Variants in TNFAIP8L3 observed in about 807,000 individuals in gnomAD.
TNFAIP8L3 encodes tumor necrosis factor alpha-induced protein 8-like protein 3.
A neutral mutation model predicts 11.8 loss-of-function variants in TNFAIP8L3; 7 were observed. The observed-to-expected ratio is 0.59, with a 90% CI of 0.34 to 1.11. The LOEUF is 1.11. Among genes scored for constraint, TNFAIP8L3 ranks in the 50% most tolerant of loss-of-function variants. The pLI is 0.03. For missense variants in TNFAIP8L3, 219 were observed against 258.6 expected, an observed-to-expected ratio of 0.85 and a Z score of 1.05; for synonymous variants, 98 against 103.8, an observed-to-expected ratio of 0.94 and a Z score of 0.34.
At chr15:51,103,874 G>A (rs1364745109) in intron 1 of TNFAIP8L3, among the ~76,000 whole-genome samples, 1 of 152,176 alleles carries the variant, frequency 6.6e-6, no homozygotes, top group Non-Finnish European at 1.5e-5. Flanking sequence ...TGTGGGACAT[G>A]TGCCTACTTC....
chr15:51,094,719 T>G lies in TNFAIP8L3; in HGVS notation c.-124A>C. The stretch of plus-strand genomic sequence containing the variant: ...CCCGGGCGGCGCGGGCGGCGCGGGC[T>G]GGGCGGTGCGCGGCGGCAGCGGCCA... On this transcript the variant is annotated 5_prime_UTR_variant, in exon 1 of 2. Coordinates refer to ENST00000637513, the MANE Select transcript of TNFAIP8L3 (RefSeq NM_001311175.2). The surrounding 1 kb of genome is among the most constrained non-coding windows in gnomAD (Gnocchi z 4.4). 1 of 987,820 alleles carries G rather than the reference T, an allele frequency of 1.0e-6. No individual in the cohort carries two copies. Among genetic ancestry groups the G allele is most frequent in the Non-Finnish European group, 1.2e-6 (1 of 833,318 alleles). 61.2% of individuals were successfully genotyped at this position (987,820 alleles called of 1,614,324 possible).
At chr15:51,094,925 T>A (rs1034153017), upstream of TNFAIP8L3, among the ~76,000 whole-genome samples, 78 of 150,960 alleles carry the variant, frequency 5.2e-4, 1 homozygote, top group African/African-American at 1.8e-3. This position sits in a 1 kb window ranked among gnomAD's most constrained non-coding sequence, Gnocchi z 4.4. Context: ...GGCTCCAGGC[T>A]GGGGTTAAAT....
intron 1 of TNFAIP8L3, among the ~76,000 whole-genome samples, chr15:51,058,652 T>C (rs531039396): frequency 6.6e-6 from 1 of 152,294 alleles, no homozygotes; most frequent in East Asian, 1.9e-4. Context: ...TTTTTAATCC[T>C]CTAAACTGTG....
chr15:51,068,972 C>A (rs891006272), intron 1 of TNFAIP8L3, among the ~76,000 whole-genome samples: 1 of 152,012 alleles, frequency 6.6e-6, no homozygotes, highest in African/African-American at 2.4e-5. Context: ...GCCTACCCCT[C>A]CTCTTCATAA....
At chr15:51,087,438 A>G (rs2065437466) in intron 1 of TNFAIP8L3, among the ~76,000 whole-genome samples, 1 of 152,148 alleles carries the variant, frequency 6.6e-6, no homozygotes, top group Non-Finnish European at 1.5e-5. Flanking sequence ...TCCTTCCAGA[A>G]TCTCCTCCCT....
At chr15:51,079,496 G>A (rs998577089) in intron 1 of TNFAIP8L3, among the ~76,000 whole-genome samples, 1 of 152,126 alleles carries the variant, frequency 6.6e-6, no homozygotes, top group Admixed American at 6.6e-5. Context: ...TCTCACTCAT[G>A]ACATTTTATT....
chr15:51,085,724 T>A (rs763144466), intron 1 of TNFAIP8L3, among the ~76,000 whole-genome samples: 2 of 151,752 alleles, frequency 1.3e-5, no homozygotes, highest in African/African-American at 4.8e-5. Flanking sequence ...TGGAACAAAA[T>A]GTTTTTAGCA....
chr15:51,103,618 T>C (rs1310157592), intron 1 of TNFAIP8L3, among the ~76,000 whole-genome samples: 5 of 152,226 alleles, frequency 3.3e-5, no homozygotes, highest in African/African-American at 1.2e-4. Flanking sequence ...AGTGGACTGG[T>C]TCTCCTCTGA....
Position 51,094,656 on chromosome 15 carries a change from CCGCGGCGCA to C in TNFAIP8L3, c.-70_-62del. ...GCCCGTCTGCGGGGCGCTCGGGCAGCCGCGGCGCACTCAGGGCGGACAGCGGGGCGGCTG... is the reference window on the plus strand; with the variant it reads ...GCCCGTCTGCGGGGCGCTCGGGCAGCCTCAGGGCGGACAGCGGGGCGGCTG... On this transcript the variant is annotated 5_prime_UTR_variant, in exon 1 of 2. Coordinates refer to ENST00000637513, the MANE Select transcript of TNFAIP8L3 (RefSeq NM_001311175.2). This position sits in a 1 kb window ranked among gnomAD's most constrained non-coding sequence, Gnocchi z 4.4. 3 of 1,349,126 alleles carry C rather than the reference CCGCGGCGCA, an allele frequency of 2.2e-6. No individual in the cohort carries two copies. The highest frequency in any genetic ancestry group is 2.9e-6 in the Non-Finnish European group (3 of 1,051,618). The allele number at this position is 1,349,126 out of a possible 1,614,324, so 83.6% of individuals were successfully genotyped here. A position where few individuals can be genotyped will look rare whatever the true frequency, so the allele number is the denominator to read the frequency against.
At chr15:51,095,429 G>C (rs548677345), upstream of TNFAIP8L3, among the ~76,000 whole-genome samples, 15 of 152,202 alleles carry the variant, frequency 9.9e-5, no homozygotes, top group African/African-American at 3.6e-4. Flanking sequence ...TCTTCTGCCA[G>C]CGAGGGCAGG....
intron 1 of TNFAIP8L3, among the ~76,000 whole-genome samples, chr15:51,078,954 G>C (rs1000400721): frequency 6.6e-6 from 1 of 152,122 alleles, no homozygotes; most frequent in African/African-American, 2.4e-5. Flanking sequence ...CTCTACCCCA[G>C]CTACTGTTCT....
rs555837729 is a variant in TNFAIP8L3, at chr15:51,105,065, C to CA, written c.111dup (p.Ala38CysfsTer71). The CA allele has an allele frequency of 5.0e-5, 80 of 1,614,198 alleles. 1 individual carries two copies. The African/African-American group carries it at 1.0e-3, about 21-fold the overall frequency. ...GGGATGAGTCTTGTTTGTAACGTGGCATCCCTTGTGCCTTGGGTCCCTGCA... is the reference window on the plus strand; with the variant it reads ...GGGATGAGTCTTGTTTGTAACGTGGCAATCCCTTGTGCCTTGGGTCCCTGCA... On this transcript the variant is annotated frameshift_variant, in exon 1 of 3. Coordinates refer to the TNFAIP8L3 transcript ENST00000327536. LOFTEE classifies it high-confidence loss of function.
intron 1 of TNFAIP8L3, among the ~76,000 whole-genome samples, chr15:51,061,379 TTAAA>T (rs1226375291): frequency 1.3e-5 from 2 of 152,192 alleles, no homozygotes; most frequent in Non-Finnish European, 2.9e-5. Context: ...CATGTTAAGA[TTAAA>T]TAGTTAGGAA....
At chr15:51,085,966 C>T (rs751452197) in intron 1 of TNFAIP8L3, among the ~76,000 whole-genome samples, 3 of 152,106 alleles carry the variant, frequency 2.0e-5, no homozygotes, top group Non-Finnish European at 4.4e-5. Context: ...AATAACTAAG[C>T]GACAATGCTT....
chr15:51,101,758 A>G (rs1417986508), intron 1 of TNFAIP8L3, among the ~76,000 whole-genome samples: 2 of 151,822 alleles, frequency 1.3e-5, no homozygotes, highest in South Asian at 2.1e-4. Flanking sequence ...CATCCTGGCT[A>G]ACACAGTGAA....
intron 1 of TNFAIP8L3, among the ~76,000 whole-genome samples, chr15:51,088,384 A>G (rs2065444545): frequency 6.6e-6 from 1 of 152,176 alleles, no homozygotes; most frequent in African/African-American, 2.4e-5. Context: ...TAGAATTCCA[A>G]ATCACATTGC....
In TNFAIP8L3 at chr15:51,056,824, C is replaced by G. The variant is rs1423187673; in HGVS notation, c.*1057G>C. 6.6e-6 allele frequency: 1 copy of G among 151,860 alleles called. No individual in the cohort carries two copies. Among genetic ancestry groups the G allele is most frequent in the African/African-American group, 2.4e-5 (1 of 41,332 alleles). The allele number at this position is 151,860 out of a possible 1,614,324, so 9.4% of individuals were successfully genotyped here. On this transcript the variant is annotated 3_prime_UTR_variant, in exon 2 of 2. Coordinates refer to ENST00000637513, the MANE Select transcript of TNFAIP8L3 (RefSeq NM_001311175.2). ...GTGGATGGAAAACTCTCTCTCCCCA[C>G]CCCCCCATGGAAAGTTTCCCTCTGC... is the stretch of plus-strand genomic sequence containing the variant.
At chr15:51,065,610 T>C (rs1815453965) in intron 1 of TNFAIP8L3, among the ~76,000 whole-genome samples, 1 of 152,204 alleles carries the variant, frequency 6.6e-6, no homozygotes. Context: ...AGCTCTCAGC[T>C]ACAGCCCAGA....
intron 1 of TNFAIP8L3, among the ~76,000 whole-genome samples, chr15:51,064,247 C>T (rs978419921): frequency 6.6e-6 from 1 of 152,158 alleles, no homozygotes; most frequent in African/African-American, 2.4e-5. Context: ...ATAACAGTGT[C>T]CTCCAACATG....
Sources: allele counts gnomAD v4.1 joint callset (sites outside exome capture counted in the v4.1 genomes callset), GRCh38; gene constraint gnomAD v4.1.1; non-coding constraint Gnocchi (gnomAD v3.1); transcripts MANE v1.5; gene names NCBI Gene and HGNC (gene_info 2026-07-23, HGNC 2026-07-21).